PDE1A: variants seen among roughly 807,000 people sequenced by gnomAD.
PDE1A encodes dual specificity calcium/calmodulin-dependent 3',5'-cyclic nucleotide phosphodiesterase 1A.
Under a neutral mutation model 61.7 loss-of-function variants are expected in PDE1A, and 35 were observed. The observed-to-expected ratio is 0.57, with a 90% CI of 0.43 to 0.75. PDE1A has a LOEUF of 0.75. Ranked by LOEUF, PDE1A falls within the 30% of genes least tolerant of loss-of-function variation. PDE1A has a pLI of 0.00. For synonymous variants in PDE1A, 232 were observed against 213.2 expected (o/e 1.09, Z -0.77); for missense variants, 597 against 630.6 (o/e 0.95, Z 0.57).
the PDE1A span, among the ~76,000 whole-genome samples, chr2:182,713,421 A>C: frequency 6.6e-6 from 1 of 152,166 alleles, no homozygotes; most frequent in African/African-American, 2.4e-5. Flanking sequence ...ACCTGAGGTC[A>C]GGAGTTCGAG....
At chr2:182,199,599 G>A (rs1231327217) in intron 10 of PDE1A, among the ~76,000 whole-genome samples, 1 of 151,896 alleles carries the variant, frequency 6.6e-6, no homozygotes, top group Non-Finnish European at 1.5e-5. Flanking sequence ...CATCTCTAAT[G>A]TCACAGGGCT....
At chr2:182,711,998 T>C in the PDE1A span, among the ~76,000 whole-genome samples, 1 of 152,200 alleles carries the variant, frequency 6.6e-6, no homozygotes, top group East Asian at 1.9e-4. Context: ...ATCTCTATAA[T>C]GAAGCCATCT....
At chr2:182,393,451 C>A (rs987812807) in intron 1 of PDE1A, among the ~76,000 whole-genome samples, 1 of 152,086 alleles carries the variant, frequency 6.6e-6, no homozygotes, top group South Asian at 2.1e-4. Flanking sequence ...CTCTGACATG[C>A]CTGGAAACAT....
At chr2:182,189,676 GATTA>G (rs1235696086) in intron 10 of PDE1A, among the ~76,000 whole-genome samples, 4 of 152,072 alleles carry the variant, frequency 2.6e-5, no homozygotes, top group African/African-American at 9.7e-5. Flanking sequence ...ATCTAAAATA[GATTA>G]ATTGAGCACA....
the PDE1A span, among the ~76,000 whole-genome samples, chr2:182,691,583 G>A: frequency 6.6e-6 from 1 of 152,146 alleles, no homozygotes; most frequent in Non-Finnish European, 1.5e-5. Context: ...AACCCTAGAA[G>A]AAAACCTAGG....
intron 13 of PDE1A, among the ~76,000 whole-genome samples, chr2:182,174,180 C>T (rs1007300635): frequency 6.6e-6 from 1 of 151,990 alleles, no homozygotes; most frequent in Non-Finnish European, 1.5e-5. Context: ...TCTCCCTGAG[C>T]AGCTTGTTAT....
At position 182,242,951 on chromosome 2, in the gene PDE1A, T is replaced by C. The variant is rs576064563; in HGVS notation, c.168-2659A>G. Among the ~76,000 whole-genome samples the C allele has an allele frequency of 8.8e-4, 35 of 39,682 alleles. 1 individual carries two copies. In the East Asian group the frequency reaches 0.026, roughly 29 times the overall value. The allele number at this position is 39,682 out of a possible 152,430, so 26.0% of individuals were successfully genotyped here. A position where few individuals can be genotyped will look rare whatever the true frequency, so the allele number is the denominator to read the frequency against. On this transcript the variant is annotated intron_variant, in intron 2 of 13. Coordinates refer to ENST00000351439, the Ensembl canonical transcript of PDE1A. Reference sequence around the variant, plus strand: ...CGTGTGTGTATGTGTGTGTGTGTGTTGTGTAGCTGTTGGTTTGGATAAGAA... The same window carrying C: ...CGTGTGTGTATGTGTGTGTGTGTGTCGTGTAGCTGTTGGTTTGGATAAGAA...
chr2:182,630,759 G>GT, the PDE1A span, among the ~76,000 whole-genome samples: 1 of 152,004 alleles, frequency 6.6e-6, no homozygotes, highest in Non-Finnish European at 1.5e-5. Context: ...CAAATCTATA[G>GT]TTTTCCACAC....
chr2:182,626,717 TTATATA>T, the PDE1A span, among the ~76,000 whole-genome samples: 12 of 29,116 alleles, frequency 4.1e-4, 1 homozygote, highest in Admixed American at 9.1e-4. Flanking sequence ...ACAAATGGCT[TTATATA>T]TATATATATA....
the PDE1A span, among the ~76,000 whole-genome samples, chr2:182,695,682 AAAAG>A: frequency 7.4e-5 from 7 of 94,902 alleles, no homozygotes; most frequent in Non-Finnish European, 1.2e-4. Flanking sequence ...AAAAAAAAAA[AAAAG>A]AAAAAGAAAA....
the PDE1A span, among the ~76,000 whole-genome samples, chr2:182,693,115 C>T: frequency 6.6e-6 from 1 of 152,028 alleles, no homozygotes; most frequent in Non-Finnish European, 1.5e-5. Context: ...AGATAAGCAA[C>T]TAGGAACTCA....
chr2:182,640,807 G>A, the PDE1A span, among the ~76,000 whole-genome samples: 1 of 151,980 alleles, frequency 6.6e-6, no homozygotes, highest in South Asian at 2.1e-4. Context: ...ATCACTTGAG[G>A]TCAGGAGTTC....
intron 13 of PDE1A, among the ~76,000 whole-genome samples, chr2:182,179,769 T>C (rs1036334529): frequency 1.3e-5 from 2 of 152,196 alleles, no homozygotes; most frequent in African/African-American, 4.8e-5. Context: ...TGCCAGTCTC[T>C]GTTCAAAGAG....
chr2:182,268,912 G>C (rs984019590), intron 1 of PDE1A, among the ~76,000 whole-genome samples: 1 of 151,926 alleles, frequency 6.6e-6, no homozygotes, highest in Non-Finnish European at 1.5e-5. Flanking sequence ...TGATATGATA[G>C]TTCCCCAACT....
At chr2:182,186,749 A>G (rs1021329043) in intron 11 of PDE1A, among the ~76,000 whole-genome samples, 161 bp from the exon 12 acceptor site, 3 of 152,196 alleles carry the variant, frequency 2.0e-5, no homozygotes, top group Non-Finnish European at 4.4e-5. Flanking sequence ...TAATCTAATA[A>G]CAGTCTTTAG....
intron 1 of PDE1A, among the ~76,000 whole-genome samples, chr2:182,415,349 T>G (rs745566172): frequency 3.9e-5 from 6 of 152,132 alleles, no homozygotes; most frequent in African/African-American, 1.4e-4. Context: ...TCAAACACAT[T>G]AAAATAAAAC....
At chr2:182,420,484 G>T (rs1703208606) in intron 1 of PDE1A, among the ~76,000 whole-genome samples, 5 of 151,936 alleles carry the variant, frequency 3.3e-5, no homozygotes, top group Admixed American at 2.6e-4. Context: ...ATTTGTTCCA[G>T]GCTCTTTGAT....
exon 15 of PDE1A, chr2:182,141,334 T>C (rs982765043): frequency 2.0e-5 from 3 of 152,154 alleles, no homozygotes; most frequent in Admixed American, 2.0e-4. Context: ...TCTCCATAAA[T>C]AGAAATAAAA....
intron 2 of PDE1A, among the ~76,000 whole-genome samples, chr2:182,490,344 T>C (rs1458914367): frequency 6.6e-6 from 1 of 152,154 alleles, no homozygotes; most frequent in Admixed American, 6.5e-5. Flanking sequence ...GAGGATGACA[T>C]AGGTTAAAAG....
Sources: gnomAD v4.1 joint callset for allele counts (sites outside exome capture counted in the v4.1 genomes callset) on GRCh38, gnomAD v4.1.1 for gene constraint, MANE v1.5 for transcripts, NCBI Gene and HGNC (gene_info 2026-07-23, HGNC 2026-07-21) for gene names.